IL1RAPL2: variants seen among roughly 807,000 people sequenced by gnomAD.
IL1RAPL2 encodes interleukin 1 receptor accessory protein like 2, also known as X-linked interleukin-1 receptor accessory protein-like 2.
Under a neutral mutation model 44.1 loss-of-function variants are expected in IL1RAPL2, and 3 were observed. That is an observed-to-expected ratio of 0.07 (90% CI 0.03 to 0.18). The LOEUF is 0.18. Ranked by LOEUF, IL1RAPL2 falls within the 10% of genes least tolerant of loss-of-function variation. The pLI is 1.00. For missense variants in IL1RAPL2, 391 were observed against 496.4 expected (o/e 0.79, Z 2.02); for synonymous variants, 181 against 178.8 (o/e 1.01, Z -0.10).
intron 2 of IL1RAPL2, among the ~76,000 whole-genome samples, chrX:105,107,428 C>G (rs1327665251): frequency 8.9e-6 from 1 of 112,168 alleles, no homozygotes; most frequent in Non-Finnish European, 1.9e-5. Flanking sequence ...AGCTGGCTTT[C>G]AATAATTTTC....
At chrX:105,629,456 CA>C (rs998485006) in intron 6 of IL1RAPL2, among the ~76,000 whole-genome samples, 1 of 111,781 alleles carries the variant, frequency 8.9e-6, no homozygotes, top group African/African-American at 3.2e-5. Flanking sequence ...CCCTTCATCT[CA>C]TTCAGTTTCC....
intron 2 of IL1RAPL2, among the ~76,000 whole-genome samples, chrX:105,007,951 C>A: frequency 8.7e-6 from 1 of 114,799 alleles, no homozygotes; most frequent in Admixed American, 9.1e-5. Context: ...GCACTATAAA[C>A]ACTATACATT....
At chrX:104,761,845 T>TCTCCTC (rs1356463728) in intron 2 of IL1RAPL2, among the ~76,000 whole-genome samples, 2 of 53,932 alleles carry the variant, frequency 3.7e-5, no homozygotes, top group East Asian at 1.4e-3. Context: ...TCCTTCTCCT[T>TCTCCTC]CTTCTCCTTC....
chrX:105,036,089 C>G (rs1049112209), intron 2 of IL1RAPL2, among the ~76,000 whole-genome samples: 6 of 111,453 alleles, frequency 5.4e-5, no homozygotes, highest in African/African-American at 2.0e-4. Flanking sequence ...GAGACAAAAT[C>G]AAAAGTAACT....
At chrX:105,599,563 G>A (rs1006611825) in intron 6 of IL1RAPL2, among the ~76,000 whole-genome samples, 1 of 110,775 alleles carries the variant, frequency 9.0e-6, no homozygotes, top group African/African-American at 3.3e-5. Context: ...CAATATAGGA[G>A]GCACCAAAGA....
chrX:104,886,674 G>C (rs1923254710), intron 2 of IL1RAPL2, among the ~76,000 whole-genome samples: 1 of 112,137 alleles, frequency 8.9e-6, no homozygotes, highest in Admixed American at 9.5e-5. Context: ...ATGGTTCACT[G>C]TTCTGGACCT....
chrX:104,846,031 T>G (rs1474595891), intron 2 of IL1RAPL2, among the ~76,000 whole-genome samples: 1 of 111,703 alleles, frequency 9.0e-6, no homozygotes, highest in Non-Finnish European at 1.9e-5. Flanking sequence ...AGTTCAAATT[T>G]GTCTGTTTAG....
chrX:105,596,877 A>G lies in IL1RAPL2; in HGVS notation c.772+112490A>G, dbSNP rs553200785. On this transcript the variant is annotated intron_variant, in intron 6 of 10. Coordinates refer to ENST00000372582, the MANE Select transcript of IL1RAPL2 (RefSeq NM_017416.2). ...GATTATAAAATTCCTGGAAGAAAAC[A>G]TAAGAGAAAAGCCCTTTGACATTGA... Among the ~76,000 whole-genome samples, 64 of 112,097 alleles carry G rather than the reference A, an allele frequency of 5.7e-4. 1 individual carries two copies. The South Asian group carries it at 0.023, about 39-fold the overall frequency.
At chrX:104,600,962 G>A (rs1423381165) in intron 1 of IL1RAPL2, among the ~76,000 whole-genome samples, 2 of 111,569 alleles carry the variant, frequency 1.8e-5, no homozygotes, top group Non-Finnish European at 3.8e-5. Flanking sequence ...ATTGTGCATA[G>A]TGCTGCAATG....
chrX:105,275,268 A>G (rs1336981004), intron 5 of IL1RAPL2, among the ~76,000 whole-genome samples: 1 of 110,945 alleles, frequency 9.0e-6, no homozygotes, highest in Non-Finnish European at 1.9e-5. Context: ...CTAAACTTGT[A>G]TGAACACATA....
At chrX:104,785,164 A>G (rs1285801467) in intron 2 of IL1RAPL2, among the ~76,000 whole-genome samples, 1 of 109,233 alleles carries the variant, frequency 9.2e-6, no homozygotes, top group Non-Finnish European at 1.9e-5. Context: ...GGCGTGCACT[A>G]CCACACCTGG....
chrX:105,011,832 A>T (rs901219795), intron 2 of IL1RAPL2, among the ~76,000 whole-genome samples: 2 of 110,367 alleles, frequency 1.8e-5, no homozygotes, highest in Non-Finnish European at 3.8e-5. Context: ...TAGGAGTGGA[A>T]TTGTGATGGT....
At chrX:104,929,395 T>A (rs760086154) in intron 2 of IL1RAPL2, among the ~76,000 whole-genome samples, 18 of 111,886 alleles carry the variant, frequency 1.6e-4, no homozygotes, top group Admixed American at 7.6e-4. Context: ...CTCACATTTG[T>A]GTTCCAAATC....
chrX:105,749,206 G>T, intron 9 of IL1RAPL2, 103 bp downstream of exon 9: 1 of 794,554 alleles, frequency 1.3e-6, no homozygotes. Context: ...AATATTTAGG[G>T]GTAAAGGGCT....
chrX:105,406,053 A>C lies in IL1RAPL2; in HGVS notation c.698-78260A>C, dbSNP rs1005047854. ...AAATGTTGGAGGGCGGTACTTTACA[A>C]CTACACGCATTACTCCTACCAGGTT... On this transcript the variant is annotated intron_variant, in intron 5 of 10. Coordinates refer to ENST00000372582, the MANE Select transcript of IL1RAPL2 (RefSeq NM_017416.2). The C allele has an allele frequency of 5.8e-5, 70 of 1,201,420 alleles. 2 individuals are homozygous for C. The highest frequency in any genetic ancestry group is 5.6e-4 in the African/African-American group (32 of 57,054).
At position 104,628,451 on chromosome X, in the gene IL1RAPL2, A is replaced by T. The variant is rs1223791540; in HGVS notation, c.-19-30444A>T. ...ATGAGTGAGGACATGCAATGTTTGT[A>T]TTTCTGTGCCTGGCTTATTTAACTT... On this transcript the variant is annotated intron_variant, in intron 1 of 10. Transcript: ENST00000372582. Among the ~76,000 whole-genome samples the T allele has an allele frequency of 9.9e-5, 11 of 111,205 alleles. No individual in the cohort carries two copies. In the Admixed American group the frequency reaches 1.1e-3, roughly 11 times the overall value.
chrX:105,133,869 C>T (rs1477385374), intron 2 of IL1RAPL2, among the ~76,000 whole-genome samples: 2 of 111,309 alleles, frequency 1.8e-5, no homozygotes, highest in African/African-American at 6.5e-5. Context: ...CTCTTAACAC[C>T]ATCTACTTTA....
intron 1 of IL1RAPL2, among the ~76,000 whole-genome samples, chrX:104,646,823 G>A (rs1440835536): frequency 1.8e-5 from 2 of 111,409 alleles, no homozygotes; most frequent in Admixed American, 9.5e-5. Context: ...CAAATAATTG[G>A]CCAGAACCAG....
intron 6 of IL1RAPL2, among the ~76,000 whole-genome samples, chrX:105,509,614 C>A (rs745843927): frequency 2.7e-5 from 3 of 111,441 alleles, no homozygotes; most frequent in Non-Finnish European, 5.7e-5. Context: ...GAGCAAGTAA[C>A]CAGTGAAAAA....
Sources: gnomAD v4.1 joint callset for allele counts (sites outside exome capture counted in the v4.1 genomes callset) on GRCh38, gnomAD v4.1.1 for gene constraint, MANE v1.5 for transcripts, NCBI Gene and HGNC (gene_info 2026-07-23, HGNC 2026-07-21) for gene names.